The following RDX variants were observed in gnomAD, a reference collection of about 807,000 sequenced individuals.
RDX encodes the protein radixin, also known as deafness, autosomal recessive 24.
In RDX, 32 loss-of-function variants were observed where a neutral mutation model predicts 83.7. The ratio of observed to expected loss-of-function variants is 0.38; its 90% CI spans 0.29 to 0.51. The LOEUF (loss-of-function observed/expected upper bound fraction) is 0.51, where lower values mean the gene tolerates loss of function less well. RDX is among the 20% of genes least tolerant of loss of function. RDX has a pLI of 0.87. For missense variants in RDX, 600 were observed against 689.9 expected (o/e 0.87, Z 1.46); for synonymous variants, 229 against 222.7 (o/e 1.03, Z -0.25).
chr11:110,290,523 A>G (rs951834771), intron 1 of RDX, among the ~76,000 whole-genome samples: 3 of 151,598 alleles, frequency 2.0e-5, no homozygotes, highest in Non-Finnish European at 4.4e-5. Flanking sequence ...AAAAAAAAAA[A>G]GCACTTAACA....
intron 2 of RDX, among the ~76,000 whole-genome samples, chr11:110,276,862 T>C (rs1379048178): frequency 1.3e-5 from 2 of 152,198 alleles, no homozygotes; most frequent in African/African-American, 2.4e-5. Flanking sequence ...CATGAAGTGA[T>C]ATAAGACTAT....
chr11:110,263,956 T>C lies in RDX; in HGVS notation c.467+4A>G. On this transcript the variant is annotated splice_donor_region_variant and intron_variant, in intron 5 of 13. Transcript: ENST00000645495. ...AATATAATGCAAACGCATGTTTCAC[T>C]TACCGCTGGGGTAGGAGTCTATCAT... 1 of 1,612,792 alleles carries C rather than the reference T, an allele frequency of 6.2e-7. No homozygotes were observed. The highest frequency in any genetic ancestry group is 8.5e-7 in the Non-Finnish European group (1 of 1,178,892).
At chr11:110,192,148 T>A (rs749458899) in intron 15 of RDX, among the ~76,000 whole-genome samples, 1 of 152,182 alleles carries the variant, frequency 6.6e-6, no homozygotes, top group Non-Finnish European at 1.5e-5. Flanking sequence ...ACTGTAAGGC[T>A]GCCATAACCA....
Position 110,279,666 on chromosome 11 carries a change from A to G in RDX, c.12+15T>C. On this transcript the variant is annotated intron_variant, in intron 2 of 13. Transcript: ENST00000645495. The stretch of plus-strand genomic sequence containing the variant: ...TATTATTGAGACACTGTCAAATGTA[A>G]TAAAATACACTTACTGGTTTCGGCA... 1 of 1,502,574 alleles carries G rather than the reference A, an allele frequency of 6.7e-7. No individual in the cohort carries two copies. Among genetic ancestry groups the G allele is most frequent in the South Asian group, 1.1e-5 (1 of 87,354 alleles). The allele number at this position is 1,502,574 out of a possible 1,614,324, so 93.1% of individuals were successfully genotyped here. A position where few individuals can be genotyped will look rare whatever the true frequency, so the allele number is the denominator to read the frequency against.
intron 3 of RDX, among the ~76,000 whole-genome samples, chr11:110,265,504 A>G (rs1859999168): frequency 6.7e-6 from 1 of 149,910 alleles, no homozygotes; most frequent in Admixed American, 6.7e-5. Context: ...TTGAAAATAT[A>G]TATATATATA....
At chr11:110,274,638 C>T (rs1024071744) in intron 2 of RDX, among the ~76,000 whole-genome samples, 1 of 131,826 alleles carries the variant, frequency 7.6e-6, no homozygotes, top group Admixed American at 7.6e-5. Flanking sequence ...ACTACTGTTA[C>T]TACACACTTC....
At chr11:110,203,413 T>TAA (rs34158580) in intron 14 of RDX, among the ~76,000 whole-genome samples, 9 of 125,508 alleles carry the variant, frequency 7.2e-5, no homozygotes, top group East Asian at 2.2e-4. Context: ...TGTTAATGGG[T>TAA]AAAAAAAAAA....
At chr11:110,183,897 G>A (rs151274100) in intron 15 of RDX, among the ~76,000 whole-genome samples, 116 of 152,324 alleles carry the variant, frequency 7.6e-4, no homozygotes, top group East Asian at 4.8e-3. Flanking sequence ...CTCTGGCCAC[G>A]CTGCTATCGA....
chr11:110,288,764 TG>T (rs1203565690), intron 1 of RDX, among the ~76,000 whole-genome samples: 3 of 152,234 alleles, frequency 2.0e-5, no homozygotes, highest in African/African-American at 7.2e-5. Context: ...GGTTCACAGT[TG>T]GGCCTCAAAA....
intron 1 of RDX, among the ~76,000 whole-genome samples, chr11:110,293,224 T>C (rs1447509627): frequency 1.3e-5 from 2 of 152,228 alleles, no homozygotes; most frequent in Non-Finnish European, 2.9e-5. Context: ...GCATACCTAC[T>C]GGCATTTTCT....
rs543088310 is a variant in RDX at position 110,184,420 on chromosome 11, T to C, written c.*32-9186A>G. On this transcript the variant is annotated intron_variant, in intron 15 of 15. Coordinates refer to the RDX transcript ENST00000528498. ...TCCTCCTGGTGTAGGGAAATCCAGG[T>C]CCCTGAGGGACTGTGCAGAACAAGA... 4.0e-5 allele frequency among the ~76,000 whole-genome samples: 6 copies of C among 151,528 alleles called. No homozygotes were observed. The South Asian group carries it at 1.3e-3, about 32-fold the overall frequency.
At chr11:110,221,557 C>G (rs1864247518) in intron 14 of RDX, among the ~76,000 whole-genome samples, 1 of 150,758 alleles carries the variant, frequency 6.6e-6, no homozygotes, top group Non-Finnish European at 1.5e-5. Flanking sequence ...AAGAGTGCAC[C>G]ACTGTTCTCC....
At chr11:110,277,927 G>T (rs953610636) in intron 2 of RDX, among the ~76,000 whole-genome samples, 1 of 152,106 alleles carries the variant, frequency 6.6e-6, no homozygotes. Flanking sequence ...TTTACAGTTT[G>T]AGCTTTTGCA....
At chr11:110,204,514 C>CTTTTT (rs577737066) in intron 14 of RDX, among the ~76,000 whole-genome samples, 1 of 107,734 alleles carries the variant, frequency 9.3e-6, no homozygotes, top group African/African-American at 3.8e-5. Context: ...TTTTTTTTTC[C>CTTTTT]TTTTTTTTTT....
At chr11:110,237,449 T>C (rs1254182349) in intron 11 of RDX, 43 bp downstream of exon 11, 37 of 1,598,522 alleles carry the variant, frequency 2.3e-5, no homozygotes, top group Non-Finnish European at 3.2e-5. Context: ...GTTCACTCTA[T>C]GCTTTTATTT....
chr11:110,267,520 ACAC>A (rs1860099996), intron 3 of RDX, among the ~76,000 whole-genome samples: 1 of 73,184 alleles, frequency 1.4e-5, no homozygotes, highest in South Asian at 3.9e-4. Flanking sequence ...CTCAAAACAC[ACAC>A]ACACACACAC....
At chr11:110,267,566 A>AC (rs1565324977) in intron 3 of RDX, among the ~76,000 whole-genome samples, 24 of 148,792 alleles carry the variant, frequency 1.6e-4, no homozygotes, top group Middle Eastern at 3.4e-3. Context: ...ACACACACAC[A>AC]AATAATCTTA....
At position 110,272,723 on chromosome 11, in the gene RDX, C is replaced by A. The variant is rs184534775; in HGVS notation, c.13-104G>T. The A allele has an allele frequency of 2.0e-4, 156 of 794,458 alleles. No individual in the cohort carries two copies. In the East Asian group the frequency reaches 2.3e-3, roughly 12 times the overall value. 49.2% of individuals were successfully genotyped at this position (794,458 alleles called of 1,614,324 possible). A position where few individuals can be genotyped will look rare whatever the true frequency, so the allele number is the denominator to read the frequency against. ...AAGTGATAAAGTTTTATTTTAATCA[C>A]AAGAAATCTTAAATCTATTTGAAAA... is the stretch of plus-strand genomic sequence containing the variant. On this transcript the variant is annotated intron_variant, in intron 2 of 13. Coordinates refer to ENST00000645495, the MANE Select transcript of RDX (RefSeq NM_002906.4).
chr11:110,252,839 CCT>C (rs1859394851), intron 9 of RDX, among the ~76,000 whole-genome samples: 1 of 151,844 alleles, frequency 6.6e-6, no homozygotes. Flanking sequence ...TGCCTGTTGC[CCT>C]GATTGTCTTC....
Sources: gnomAD v4.1 joint callset for allele counts (sites outside exome capture counted in the v4.1 genomes callset) on GRCh38, gnomAD v4.1.1 for gene constraint, MANE v1.5 for transcripts, NCBI Gene and HGNC (gene_info 2026-07-23, HGNC 2026-07-21) for gene names.